Variants in KCNJ6 observed in about 807,000 individuals in gnomAD.
KCNJ6 encodes potassium inwardly rectifying channel subfamily J member 6.
In KCNJ6, 9 loss-of-function variants were observed where a neutral mutation model predicts 34.2. The observed-to-expected ratio is 0.26, with a 90% CI of 0.16 to 0.46. The LOEUF (loss-of-function observed/expected upper bound fraction) is 0.46. Ranked by LOEUF, KCNJ6 falls within the 20% of genes least tolerant of loss-of-function variation. KCNJ6 has a pLI of 1.00. For missense variants in KCNJ6, 236 were observed against 531.3 expected, an observed-to-expected ratio of 0.44 and a Z score of 5.46; for synonymous variants, 196 against 207.1, an observed-to-expected ratio of 0.95 and a Z score of 0.46.
chr21:37,767,908 C>T (rs1004998056), intron 2 of KCNJ6, among the ~76,000 whole-genome samples: 17 of 152,096 alleles, frequency 1.1e-4, no homozygotes, highest in African/African-American at 4.1e-4. Flanking sequence ...GTATTTTATA[C>T]ACCTAAGCTT....
chr21:37,866,786 T>C (rs2055624856), intron 1 of KCNJ6, among the ~76,000 whole-genome samples: 1 of 152,160 alleles, frequency 6.6e-6, no homozygotes, highest in African/African-American at 2.4e-5. Context: ...GAACTAGAGA[T>C]GGCCAACGGC....
At position 37,621,029 on chromosome 21, in the gene KCNJ6, T is replaced by C. The variant is rs534333473; in HGVS notation, c.*4130A>G. ...GAAACAAGATAATGTTATTTTAGTG[T>C]ATTGTAAAGTAATATCAATGAATCA... is the stretch of plus-strand genomic sequence containing the variant. On this transcript the variant is annotated 3_prime_UTR_variant, in exon 4 of 4. Coordinates refer to ENST00000609713, the MANE Select transcript of KCNJ6 (RefSeq NM_002240.5). 4 of 152,362 alleles carry C rather than the reference T, an allele frequency of 2.6e-5. No homozygotes were observed. The South Asian group carries it at 8.3e-4, about 32-fold the overall frequency. The allele number at this position is 152,362 out of a possible 1,614,324, so 9.4% of individuals were successfully genotyped here. A position where few individuals can be genotyped will look rare whatever the true frequency, so the allele number is the denominator to read the frequency against.
At chr21:37,718,069 C>CCACATTTCTCATCCT (rs2054803426) in intron 2 of KCNJ6, among the ~76,000 whole-genome samples, 1 of 152,186 alleles carries the variant, frequency 6.6e-6, no homozygotes, top group African/African-American at 2.4e-5. Context: ...CAGGGCTGGA[C>CCACATTTCTCATCCT]CACATTTCTC....
intron 2 of KCNJ6, among the ~76,000 whole-genome samples, chr21:37,742,569 G>C (rs999184150): frequency 6.6e-6 from 1 of 152,132 alleles, no homozygotes; most frequent in African/African-American, 2.4e-5. Flanking sequence ...ACATTTCCAG[G>C]AACATCTTTT....
intron 1 of KCNJ6, among the ~76,000 whole-genome samples, chr21:37,886,229 A>G (rs1436355012): frequency 1.3e-5 from 2 of 152,154 alleles, no homozygotes; most frequent in Admixed American, 6.5e-5. Flanking sequence ...ATCTTTTGTT[A>G]TCAGAGCTCC....
intron 3 of KCNJ6, among the ~76,000 whole-genome samples, chr21:37,699,684 G>T (rs963385382): frequency 1.3e-5 from 2 of 152,174 alleles, no homozygotes; most frequent in African/African-American, 4.8e-5. Context: ...TTAAAAAGGG[G>T]CACAGGGATA....
intron 1 of KCNJ6, among the ~76,000 whole-genome samples, chr21:37,855,180 T>A (rs1459233752): frequency 6.7e-6 from 1 of 150,096 alleles, no homozygotes; most frequent in Non-Finnish European, 1.5e-5. Context: ...TTTTTTTGGT[T>A]TCTTTTCTTC....
chr21:37,768,207 A>C (rs1011538397), intron 2 of KCNJ6, among the ~76,000 whole-genome samples: 1 of 151,692 alleles, frequency 6.6e-6, no homozygotes, highest in African/African-American at 2.4e-5. Flanking sequence ...TGATTCCCTG[A>C]GGCCACTCCA....
intron 2 of KCNJ6, among the ~76,000 whole-genome samples, chr21:37,839,960 A>G (rs2055472028): frequency 6.6e-6 from 1 of 152,050 alleles, no homozygotes; most frequent in Non-Finnish European, 1.5e-5. Context: ...CACCATGCTC[A>G]GCTTATTTTT....
chr21:37,660,285 G>A (rs957186126), intron 3 of KCNJ6, among the ~76,000 whole-genome samples: 4 of 152,216 alleles, frequency 2.6e-5, no homozygotes, highest in African/African-American at 9.7e-5. Context: ...CCTGCCACAG[G>A]GTGCAAGGCC....
intron 2 of KCNJ6, among the ~76,000 whole-genome samples, chr21:37,731,247 G>C (rs1358423052): frequency 9.9e-5 from 15 of 152,180 alleles, no homozygotes; most frequent in Admixed American, 9.8e-4. Context: ...AAATAATGGA[G>C]TGAAAGATTT....
At chr21:37,731,397 G>T (rs1390454933) in intron 2 of KCNJ6, among the ~76,000 whole-genome samples, 1 of 152,140 alleles carries the variant, frequency 6.6e-6, no homozygotes, top group African/African-American at 2.4e-5. Flanking sequence ...GAAGATCCTG[G>T]TGTCTTACAA....
chr21:37,645,017 GTT>G (rs71198881), intron 3 of KCNJ6, among the ~76,000 whole-genome samples: 205 of 130,820 alleles, frequency 1.6e-3, no homozygotes, highest in African/African-American at 5.7e-3. Context: ...AAACAGGTGG[GTT>G]TTTTTTTTTT....
At chr21:37,775,820 C>A (rs9680253) in intron 2 of KCNJ6, among the ~76,000 whole-genome samples, 83,391 of 150,262 alleles carry the variant, frequency 0.55, 23,392 homozygotes, top group Non-Finnish European at 0.6. Context: ...CTTAGGATTG[C>A]CTTGGCGATG....
Position 37,632,751 on chromosome 21 carries a change from G to T in KCNJ6, c.947-7267C>A, listed in dbSNP as rs144055159. Among the ~76,000 whole-genome samples, 633 of 152,052 alleles carry T rather than the reference G, an allele frequency of 4.2e-3. 7 individuals are homozygous for T. The highest frequency in any genetic ancestry group is 0.014 in the African/African-American group (598 of 41,480). ...ATAACTTAAAAATATAGACGAAATG[G>T]ACAATTTTCTAAATCATATAAATTA... On this transcript the variant is annotated intron_variant, in intron 3 of 3. Transcript: ENST00000609713.
At chr21:37,753,850 GTC>G (rs138043420) in intron 2 of KCNJ6, among the ~76,000 whole-genome samples, 1 of 152,262 alleles carries the variant, frequency 6.6e-6, no homozygotes, top group African/African-American at 2.4e-5. Context: ...ACACTCCTTG[GTC>G]TCTGAGACAT....
intron 1 of KCNJ6, among the ~76,000 whole-genome samples, chr21:37,858,325 G>A (rs1030588147): frequency 1.0e-4 from 15 of 143,464 alleles, no homozygotes; most frequent in Non-Finnish European, 2.1e-4. Context: ...CCCGGGAGGC[G>A]GAGCTTGCAG....
Position 37,905,907 on chromosome 21 carries a change from T to C in KCNJ6, c.-28+9977A>G, listed in dbSNP as rs552284607. ...TGGCAATATGAAGGTGGTCAGGAGA[T>C]GTTTAGAATGAAAGTAAATGTTATA... On this transcript the variant is annotated intron_variant, in intron 1 of 3. Coordinates refer to ENST00000609713, the MANE Select transcript of KCNJ6 (RefSeq NM_002240.5). 9.2e-5 allele frequency among the ~76,000 whole-genome samples: 14 copies of C among 152,338 alleles called. No homozygotes were observed. The South Asian group carries it at 2.7e-3, about 29-fold the overall frequency.
chr21:37,613,190 G>C lies in KCNJ6; in HGVS notation c.*11969C>G, dbSNP rs1288652182. 6.6e-6 allele frequency: 1 copy of C among 152,178 alleles called. No individual in the cohort carries two copies. The highest frequency in any genetic ancestry group is 1.5e-5 in the Non-Finnish European group (1 of 68,018). 9.4% of individuals were successfully genotyped at this position (152,178 alleles called of 1,614,324 possible). ...ATGGAAAACAAGCATATAAAAATAT[G>C]TCCCAAATCATGTCATTAGGGAATT... On this transcript the variant is annotated 3_prime_UTR_variant, in exon 4 of 4. Coordinates refer to ENST00000609713, the MANE Select transcript of KCNJ6 (RefSeq NM_002240.5).
Sources: gnomAD v4.1 joint callset for allele counts (sites outside exome capture counted in the v4.1 genomes callset) on GRCh38, gnomAD v4.1.1 for gene constraint, MANE v1.5 for transcripts, NCBI Gene and HGNC (gene_info 2026-07-23, HGNC 2026-07-21) for gene names.